LARS2: variants seen among roughly 807,000 people sequenced by gnomAD.
The protein encoded by LARS2 is leucyl-tRNA synthetase 2, mitochondrial, also known as leucine--tRNA ligase, mitochondrial.
Under a neutral mutation model 116.6 loss-of-function variants are expected in LARS2, and 81 were observed. That is an observed-to-expected ratio of 0.69 (90% confidence interval 0.58 to 0.84). LARS2 has a LOEUF of 0.84. LARS2 is among the 40% of genes least tolerant of loss of function. The pLI is 0.00. For synonymous variants in LARS2, 396 were observed against 407.2 expected, an observed-to-expected ratio of 0.97 and a Z score of 0.33; for missense variants, 968 against 1,114.5, an observed-to-expected ratio of 0.87 and a Z score of 1.87.
At chr3:45,455,882 A>G (rs1699205479) in intron 7 of LARS2, among the ~76,000 whole-genome samples, 1 of 152,150 alleles carries the variant, frequency 6.6e-6, no homozygotes, top group Non-Finnish European at 1.5e-5. Context: ...GCTAAATGAA[A>G]TAATCCAGGC....
chr3:45,483,579 G>A (rs192876356), intron 10 of LARS2, among the ~76,000 whole-genome samples: 27 of 152,232 alleles, frequency 1.8e-4, no homozygotes, highest in African/African-American at 6.0e-4. Context: ...AACCTGGGAG[G>A]CAGAGGTTGC....
intron 15 of LARS2, among the ~76,000 whole-genome samples, chr3:45,503,873 C>A (rs1329149654): frequency 6.6e-6 from 1 of 151,938 alleles, no homozygotes; most frequent in African/African-American, 2.4e-5. Flanking sequence ...TTGTTGTCTC[C>A]CTCCCTGCAC....
chr3:45,536,259 C>T (rs927888118), intron 20 of LARS2, among the ~76,000 whole-genome samples: 1 of 152,094 alleles, frequency 6.6e-6, no homozygotes, highest in Non-Finnish European at 1.5e-5. Context: ...GGAGCTGGGA[C>T]GTAGGCATGC....
At chr3:45,415,893 GGAGAGAGAGAGAGA>G in intron 4 of LARS2, among the ~76,000 whole-genome samples, 1 of 69,854 alleles carries the variant, frequency 1.4e-5, no homozygotes. Flanking sequence ...AGAGAGAGAG[GGAGAGAGAGAGAGA>G]GAGAGAGAGA....
intron 19 of LARS2, among the ~76,000 whole-genome samples, 194 bp downstream of exon 19, chr3:45,520,490 G>A (rs1700436020): frequency 6.8e-6 from 1 of 146,224 alleles, no homozygotes. Context: ...AAGATTTTCT[G>A]GTCCAAACCC....
intron 2 of LARS2, among the ~76,000 whole-genome samples, chr3:45,392,710 T>C (rs1160404887): frequency 6.6e-6 from 1 of 152,212 alleles, no homozygotes; most frequent in East Asian, 1.9e-4. Flanking sequence ...ACTTGTAAGA[T>C]GCCCACATTA....
chr3:45,535,764 ACACCCC>A (rs1343386567), intron 20 of LARS2, among the ~76,000 whole-genome samples: 30 of 35,826 alleles, frequency 8.4e-4, no homozygotes, highest in East Asian at 3.3e-3. Context: ...ACACACACAC[ACACCCC>A]CACACCCACA....
intron 15 of LARS2, 78 bp from the exon 16 acceptor site, chr3:45,513,057 G>A: frequency 1.0e-6 from 1 of 963,918 alleles, no homozygotes; most frequent in Non-Finnish European, 1.7e-6. Flanking sequence ...GCCCATCCGA[G>A]GGAAGGTCTG....
intron 14 of LARS2, among the ~76,000 whole-genome samples, chr3:45,497,820 T>C (rs758361153): frequency 2.0e-5 from 3 of 151,400 alleles, no homozygotes; most frequent in Non-Finnish European, 4.4e-5. Flanking sequence ...GACAGGAGAA[T>C]CGCTTGAACC....
intron 4 of LARS2, among the ~76,000 whole-genome samples, chr3:45,414,627 T>G (rs1698385441): frequency 6.6e-6 from 1 of 151,872 alleles, no homozygotes; most frequent in African/African-American, 2.4e-5. Context: ...CCTGGCACTT[T>G]GGGAGGGAGA....
rs267220 is a variant in LARS2 at position 45,524,062 on chromosome 3, A to G, written c.2358A>G (p.Val786=). 0.98 allele frequency: 1,574,366 copies of G among 1,613,866 alleles called. 773,893 individuals are homozygous for G. The highest frequency in any genetic ancestry group is 1 in the East Asian group (44,856 of 44,864). ...AGGATGCTTTGTGTGCCCTGATGGT[A>G]ATGGCTGCTCCACTGGCCCCTCATG... ...EFEDALCALM[V]MAAPLAPHVT... The change falls in exon 20 of 22, where the codon GTA becomes GTG. Residue 786 remains valine (V), a synonymous_variant. Coordinates refer to ENST00000645846, the MANE Select transcript of LARS2 (RefSeq NM_015340.4).
intron 21 of LARS2, among the ~76,000 whole-genome samples, chr3:45,545,076 T>C (rs909617340): frequency 1.3e-5 from 2 of 152,116 alleles, no homozygotes; most frequent in Non-Finnish European, 1.5e-5. Context: ...CTGCCTGGGG[T>C]GGAGCCTAGG....
At chr3:45,447,291 A>G (rs771300121) in intron 7 of LARS2, among the ~76,000 whole-genome samples, 11 of 152,206 alleles carry the variant, frequency 7.2e-5, no homozygotes, top group Non-Finnish European at 1.3e-4. Context: ...CATCTGGGTA[A>G]CTTAACCTCT....
chr3:45,443,798 A>C (rs1337497144), intron 6 of LARS2, among the ~76,000 whole-genome samples: 1 of 152,158 alleles, frequency 6.6e-6, no homozygotes, highest in Non-Finnish European at 1.5e-5. Flanking sequence ...TCTTCAAATG[A>C]CATGTGCAGA....
rs536026606 is a variant in LARS2 at position 45,485,602 on chromosome 3, G to T, written c.1019-90G>T. 7 of 686,610 alleles carry T rather than the reference G, an allele frequency of 1.0e-5. No individual in the cohort carries two copies. In the South Asian group the frequency reaches 1.3e-4, roughly 12 times the overall value. The allele number at this position is 686,610 out of a possible 1,614,324, so 42.5% of individuals were successfully genotyped here. ...TAGCAGAAAGCACAGAAGTTCTAGT[G>T]CTTACTTTTCTCACTTGTTTCCTCT... is the stretch of plus-strand genomic sequence containing the variant. On this transcript the variant is annotated intron_variant, in intron 10 of 21. Coordinates refer to ENST00000645846, the MANE Select transcript of LARS2 (RefSeq NM_015340.4).
chr3:45,405,802 A>G (rs956562349), intron 4 of LARS2, among the ~76,000 whole-genome samples: 4 of 152,192 alleles, frequency 2.6e-5, no homozygotes, highest in Non-Finnish European at 5.9e-5. Context: ...GGCTCAGTTC[A>G]AGGTAGTCAG....
At chr3:45,541,239 A>T (rs1306736929) in intron 20 of LARS2, among the ~76,000 whole-genome samples, 1 of 152,032 alleles carries the variant, frequency 6.6e-6, no homozygotes, top group Non-Finnish European at 1.5e-5. Context: ...TTCATTCCTC[A>T]GTGTTTCCTC....
intron 12 of LARS2, among the ~76,000 whole-genome samples, chr3:45,489,470 G>C (rs1050137159): frequency 7.0e-6 from 1 of 142,878 alleles, no homozygotes; most frequent in Non-Finnish European, 1.5e-5. Context: ...TGATTTAGTA[G>C]TCCCAGGTGA....
chr3:45,402,972 G>A (rs1698177503), intron 4 of LARS2, among the ~76,000 whole-genome samples: 2 of 151,922 alleles, frequency 1.3e-5, no homozygotes, highest in Non-Finnish European at 2.9e-5. Flanking sequence ...AGGCATGGTG[G>A]CCCGTGCTTG....
Sources: allele counts gnomAD v4.1 joint callset (sites outside exome capture counted in the v4.1 genomes callset), GRCh38; gene constraint gnomAD v4.1.1; transcripts MANE v1.5; gene names NCBI Gene and HGNC (gene_info 2026-07-23, HGNC 2026-07-21).